Variants in LOC128706665 observed in about 807,000 individuals in gnomAD.
chr20:10,429,872 C>T, the LOC128706665 span, among the ~76,000 whole-genome samples: 14 of 152,238 alleles, frequency 9.2e-5, no homozygotes, highest in Non-Finnish European at 7.4e-5. Context: ...TCAAGCTGCC[C>T]CTCCTGACCT....
the LOC128706665 span, among the ~76,000 whole-genome samples, chr20:10,427,662 C>T: frequency 5.3e-5 from 8 of 152,320 alleles, no homozygotes; most frequent in African/African-American, 1.7e-4. Flanking sequence ...ACGTGGTCTT[C>T]AACTGTGCTA....
the LOC128706665 span, among the ~76,000 whole-genome samples, chr20:10,431,493 T>A: frequency 3.3e-5 from 5 of 151,796 alleles, no homozygotes; most frequent in Admixed American, 2.0e-4. Flanking sequence ...GGGACAATCT[T>A]AATAAAACAT....
the LOC128706665 span, among the ~76,000 whole-genome samples, chr20:10,417,337 G>A: frequency 1.3e-5 from 2 of 152,052 alleles, no homozygotes; most frequent in African/African-American, 2.4e-5. Context: ...CTGGCTAGAC[G>A]CAGTGGCTCT....
chr20:10,426,308 C>T, the LOC128706665 span, among the ~76,000 whole-genome samples: 4 of 152,200 alleles, frequency 2.6e-5, no homozygotes, highest in Admixed American at 2.6e-4. Flanking sequence ...TCAGGATTTC[C>T]AGTGTGTGAT....
chr20:10,414,703 G>A, the LOC128706665 span, among the ~76,000 whole-genome samples: 1 of 152,138 alleles, frequency 6.6e-6, no homozygotes, highest in Non-Finnish European at 1.5e-5. Context: ...AGTCATGTTT[G>A]TAAATAATTA....
chr20:10,433,593 G>A, the LOC128706665 span, among the ~76,000 whole-genome samples: 2 of 152,212 alleles, frequency 1.3e-5, no homozygotes, highest in Non-Finnish European at 2.9e-5. Flanking sequence ...TGACCTTAGA[G>A]GGTCATCCCT....
chr20:10,428,774 G>A, the LOC128706665 span, among the ~76,000 whole-genome samples: 57 of 152,188 alleles, frequency 3.7e-4, 1 homozygote, highest in Admixed American at 3.7e-3. Flanking sequence ...AGGAGGCAGA[G>A]GTTACATTAC....
chr20:10,414,823 T>C, the LOC128706665 span, among the ~76,000 whole-genome samples: 3 of 152,296 alleles, frequency 2.0e-5, no homozygotes, highest in African/African-American at 7.2e-5. Context: ...CAAACCATGT[T>C]TTAAACACCT....
At chr20:10,433,699 C>T in the LOC128706665 span, among the ~76,000 whole-genome samples, 3 of 152,248 alleles carry the variant, frequency 2.0e-5, no homozygotes, top group Admixed American at 1.3e-4. Context: ...GGGCGGCCCC[C>T]ACCTCCCGAC....
the LOC128706665 span, among the ~76,000 whole-genome samples, chr20:10,433,874 C>G: frequency 6.6e-6 from 1 of 152,190 alleles, no homozygotes; most frequent in Non-Finnish European, 1.5e-5. Flanking sequence ...GGGAAGACCT[C>G]CTCGCCGCCC....
chr20:10,433,010 T>G, the LOC128706665 span, among the ~76,000 whole-genome samples: 5 of 152,136 alleles, frequency 3.3e-5, no homozygotes, highest in African/African-American at 1.2e-4. Flanking sequence ...AGAATGTTTT[T>G]ATTTATTTAT....
the LOC128706665 span, chr20:10,414,037 AACT>A: frequency 5.2e-6 from 2 of 384,150 alleles, no homozygotes; most frequent in African/African-American, 4.1e-5. Flanking sequence ...TAGAAAAAGG[AACT>A]ACTAACTGGC....
the LOC128706665 span, among the ~76,000 whole-genome samples, chr20:10,417,263 A>T: frequency 6.6e-6 from 1 of 151,820 alleles, no homozygotes; most frequent in Admixed American, 6.6e-5. Flanking sequence ...AAAAAAAAAA[A>T]AATCAAAGGG....
At chr20:10,430,926 G>A in the LOC128706665 span, among the ~76,000 whole-genome samples, 2 of 152,164 alleles carry the variant, frequency 1.3e-5, no homozygotes, top group Non-Finnish European at 2.9e-5. Flanking sequence ...TTTTACATAA[G>A]AGCAAAAGCA....
chr20:10,427,257 G>A, the LOC128706665 span, among the ~76,000 whole-genome samples: 1 of 152,132 alleles, frequency 6.6e-6, no homozygotes, highest in African/African-American at 2.4e-5. Context: ...TACATCAAAT[G>A]TTCTCATTTT....
At chr20:10,428,709 T>A in the LOC128706665 span, among the ~76,000 whole-genome samples, 1,710 of 152,200 alleles carry the variant, frequency 0.011, 17 homozygotes, top group Middle Eastern at 0.027. Context: ...ATGTGGTGGG[T>A]GCACCTGTAA....
At chr20:10,432,734 T>C in the LOC128706665 span, among the ~76,000 whole-genome samples, 1 of 134,818 alleles carries the variant, frequency 7.4e-6, no homozygotes, top group East Asian at 2.1e-4. Flanking sequence ...AGGCGGAGGT[T>C]GCACAGTGAG....
the LOC128706665 span, among the ~76,000 whole-genome samples, chr20:10,421,317 T>C: frequency 1.3e-5 from 2 of 150,180 alleles, no homozygotes; most frequent in Non-Finnish European, 3.0e-5. Context: ...CTAGCTACTC[T>C]GGAGGCTGAG....
the LOC128706665 span, among the ~76,000 whole-genome samples, chr20:10,421,237 C>T: frequency 6.6e-6 from 1 of 152,098 alleles, no homozygotes; most frequent in South Asian, 2.1e-4. Context: ...CGAGACCAGC[C>T]TAGCCAACAC....
Sources: gnomAD v4.1 joint callset for allele counts (sites outside exome capture counted in the v4.1 genomes callset) on GRCh38, gnomAD v4.1.1 for gene constraint, MANE v1.5 for transcripts.